Variants in MGST1 observed in about 807,000 individuals in gnomAD.
The protein encoded by MGST1 is glutathione S-transferase 12.
MGST1 carries 5 observed loss-of-function variants against 8.9 expected under a neutral mutation model. The ratio of observed to expected loss-of-function variants is 0.56; its 90% confidence interval spans 0.29 to 1.19. The LOEUF is 1.19. Ranked by LOEUF, MGST1 falls within the 50% of genes most tolerant of loss-of-function variation. The pLI is 0.08. For missense variants in MGST1, 182 were observed against 187.4 expected, an observed-to-expected ratio of 0.97 and a Z score of 0.17; for synonymous variants, 54 against 67.8, an observed-to-expected ratio of 0.80 and a Z score of 1.00.
At chr12:16,394,512 C>CCCTT (rs1228716084) in intron 1 of MGST1, among the ~76,000 whole-genome samples, 2 of 49,006 alleles carry the variant, frequency 4.1e-5, no homozygotes, top group African/African-American at 7.2e-5. Flanking sequence ...CTCTTTCTCT[C>CCCTT]CCTTTCTTTC....
intron 1 of MGST1, among the ~76,000 whole-genome samples, chr12:16,415,611 C>T (rs924663503): frequency 2.6e-5 from 4 of 152,152 alleles, no homozygotes; most frequent in African/African-American, 9.7e-5. Context: ...TTTCTTTTCT[C>T]TAGCTTAATT....
chr12:16,535,716 T>A (rs1380778321), intron 4 of MGST1, among the ~76,000 whole-genome samples: 1 of 152,136 alleles, frequency 6.6e-6, no homozygotes. Flanking sequence ...TCTTAATATA[T>A]TTCCCACCAG....
At chr12:16,416,144 C>A (rs1465834623) in intron 1 of MGST1, among the ~76,000 whole-genome samples, 1 of 151,910 alleles carries the variant, frequency 6.6e-6, no homozygotes, top group Non-Finnish European at 1.5e-5. Context: ...TAAAATGAGA[C>A]CATGAGGAAA....
In MGST1 at chr12:16,563,307, T is replaced by C. The variant is rs187241854; in HGVS notation, n.483-26221T>C. ...TCATTCTATAGCTACATTCGAGTTCTCTTTTTTCTCAGTGGGACAAACCCA... is the reference window on the plus strand; with the variant it reads ...TCATTCTATAGCTACATTCGAGTTCCCTTTTTTCTCAGTGGGACAAACCCA... On this transcript the variant is annotated intron_variant and non_coding_transcript_variant, in intron 4 of 4. Transcript: ENST00000538857. Among the ~76,000 whole-genome samples, 140 of 152,330 alleles carry C rather than the reference T, an allele frequency of 9.2e-4. 1 individual carries two copies. The highest frequency in any genetic ancestry group is 3.0e-3 in the Admixed American group (46 of 15,296).
intron 1 of MGST1, among the ~76,000 whole-genome samples, chr12:16,408,067 C>T (rs1265644767): frequency 3.3e-5 from 4 of 119,968 alleles, no homozygotes; most frequent in African/African-American, 6.1e-5. Flanking sequence ...AAGACAGGAA[C>T]ATGGATAGAG....
At chr12:16,462,548 A>G (rs938213402) in intron 4 of MGST1, among the ~76,000 whole-genome samples, 80 of 135,992 alleles carry the variant, frequency 5.9e-4, no homozygotes, top group African/African-American at 2.1e-3. Context: ...GATGCACTTT[A>G]CCCCCCCAAA....
chr12:16,392,645 T>A (rs1940562513), intron 1 of MGST1, among the ~76,000 whole-genome samples: 1 of 152,158 alleles, frequency 6.6e-6, no homozygotes, highest in African/African-American at 2.4e-5. Context: ...TTGCTTATAG[T>A]CTTATAGTCA....
chr12:16,351,592 C>T (rs1255170351), intron 1 of MGST1, among the ~76,000 whole-genome samples: 1 of 152,014 alleles, frequency 6.6e-6, no homozygotes, highest in Non-Finnish European at 1.5e-5. Context: ...GGTGGATCAC[C>T]TGAGGTCAGG....
chr12:16,429,695 A>G (rs1294182173), intron 1 of MGST1, among the ~76,000 whole-genome samples: 1 of 152,176 alleles, frequency 6.6e-6, no homozygotes, highest in Non-Finnish European at 1.5e-5. Context: ...TAAAAACTGT[A>G]CATATCTTAA....
At chr12:16,364,593 G>A (rs1940150489), downstream of MGST1, among the ~76,000 whole-genome samples, 5 of 152,140 alleles carry the variant, frequency 3.3e-5, no homozygotes, top group South Asian at 1.0e-3. The surrounding 1 kb of genome is among the most constrained non-coding windows in gnomAD (Gnocchi z 5.7). Flanking sequence ...GAGAGTAAGT[G>A]GCAGATATCA....
rs1442121660 is a variant in MGST1, at chr12:16,433,202, A to T, written n.779-4186A>T. Among the ~76,000 whole-genome samples the T allele has an allele frequency of 1.1e-4, 16 of 152,128 alleles. No homozygotes were observed. The East Asian group carries it at 1.6e-3, about 15-fold the overall frequency. On this transcript the variant is annotated intron_variant and non_coding_transcript_variant, in intron 1 of 1. Coordinates refer to the MGST1 transcript ENST00000359720. The stretch of plus-strand genomic sequence containing the variant: ...CAGGCTGGGAGGCTTAGCCAGTCTA[A>T]TCTTTCTACGTTCTTCTGCCTGCTT...
At chr12:16,487,975 G>C (rs1166502466) in intron 4 of MGST1, among the ~76,000 whole-genome samples, 1 of 152,074 alleles carries the variant, frequency 6.6e-6, no homozygotes, top group Non-Finnish European at 1.5e-5. Context: ...TGAAAAATTT[G>C]AATTACATAC....
At chr12:16,426,609 G>A (rs1329911219) in intron 1 of MGST1, among the ~76,000 whole-genome samples, 2 of 152,042 alleles carry the variant, frequency 1.3e-5, no homozygotes, top group Non-Finnish European at 2.9e-5. Context: ...ACATGCATTT[G>A]TAGAATGCTA....
In MGST1 at chr12:16,448,900, T is replaced by C. The variant is rs201694633; in HGVS notation, n.482+65296T>C. Among the ~76,000 whole-genome samples, 26 of 152,036 alleles carry C rather than the reference T, an allele frequency of 1.7e-4. No individual in the cohort carries two copies. In the East Asian group the frequency reaches 3.3e-3, roughly 19 times the overall value. On this transcript the variant is annotated intron_variant and non_coding_transcript_variant, in intron 4 of 4. Transcript: ENST00000538857. Reference sequence around the variant, plus strand: ...TATCCCAGTTGGTCTGAAAGGCATATATGTACTTTAAGAGATATCATTTAT... The same window carrying C: ...TATCCCAGTTGGTCTGAAAGGCATACATGTACTTTAAGAGATATCATTTAT...
At chr12:16,392,151 TAATATCATTTG>T (rs1288646301) in intron 1 of MGST1, among the ~76,000 whole-genome samples, 1 of 152,220 alleles carries the variant, frequency 6.6e-6, no homozygotes, top group Non-Finnish European at 1.5e-5. Flanking sequence ...TGTAGCCCTG[TAATATCATTTG>T]AAGTTGGGTG....
intron 4 of MGST1, among the ~76,000 whole-genome samples, chr12:16,515,812 T>A (rs1941610176): frequency 6.6e-6 from 1 of 152,058 alleles, no homozygotes; most frequent in African/African-American, 2.4e-5. Context: ...TTGGACCTCC[T>A]CCCTTTGTTG....
chr12:16,378,305 T>C (rs1271578165), downstream of MGST1, among the ~76,000 whole-genome samples: 2 of 151,906 alleles, frequency 1.3e-5, no homozygotes. Flanking sequence ...CTTTAATCCA[T>C]CTTGAATTAA....
chr12:16,387,717 G>A (rs1351800685), intron 1 of MGST1, among the ~76,000 whole-genome samples: 8 of 152,030 alleles, frequency 5.3e-5, no homozygotes, highest in South Asian at 4.2e-4. Context: ...TAGTAGAGAC[G>A]GGTTTTCACC....
Position 16,401,289 on chromosome 12 carries a change from G to A in MGST1, n.778+17685G>A. On this transcript the variant is annotated intron_variant and non_coding_transcript_variant, in intron 1 of 1. Transcript: ENST00000359720. This position sits in a 1 kb window ranked among gnomAD's most constrained non-coding sequence, Gnocchi z 4.3. ...TCAGGTCTGAGAATCCCAAACTGAT[G>A]CTGAAAACCATTCCTGTCTTCAGTT... 1 of 1,523,840 alleles carries A rather than the reference G, an allele frequency of 6.6e-7. No homozygotes were observed. The highest frequency in any genetic ancestry group is 9.1e-7 in the Non-Finnish European group (1 of 1,101,102). The allele number at this position is 1,523,840 out of a possible 1,614,324, so 94.4% of individuals were successfully genotyped here. A position where few individuals can be genotyped will look rare whatever the true frequency, so the allele number is the denominator to read the frequency against.
Sources: allele counts gnomAD v4.1 joint callset (sites outside exome capture counted in the v4.1 genomes callset), GRCh38; gene constraint gnomAD v4.1.1; non-coding constraint Gnocchi (gnomAD v3.1); transcripts MANE v1.5; gene names NCBI Gene and HGNC (gene_info 2026-07-23, HGNC 2026-07-21).